Variants in ACOT7 observed in about 807,000 individuals in gnomAD.
ACOT7 encodes cytosolic acyl coenzyme A thioester hydrolase.
Under a neutral mutation model 40.2 loss-of-function variants are expected in ACOT7, and 12 were observed. The observed-to-expected ratio is 0.30, with a 90% CI of 0.19 to 0.48. ACOT7 has a LOEUF of 0.48. ACOT7 is among the 20% of genes least tolerant of loss of function. The pLI is 0.99. For missense variants in ACOT7, 395 were observed against 530.8 expected (o/e 0.74, Z 2.51); for synonymous variants, 228 against 219.5 (o/e 1.04, Z -0.34).
intron 1 of ACOT7, among the ~76,000 whole-genome samples, chr1:6,368,811 C>G (rs1424106770): frequency 6.6e-6 from 1 of 151,500 alleles, no homozygotes; most frequent in Non-Finnish European, 1.5e-5. Context: ...CCCACTGCTG[C>G]CACTGCTGCT....
intron 7 of ACOT7, among the ~76,000 whole-genome samples, chr1:6,284,319 G>A (rs1487699467): frequency 6.6e-6 from 1 of 152,090 alleles, no homozygotes; most frequent in Non-Finnish European, 1.5e-5. Flanking sequence ...GCTCATACCT[G>A]TAATCCCAGC....
At chr1:6,336,899 G>GAGA (rs1349021517) in intron 3 of ACOT7, among the ~76,000 whole-genome samples, 2 of 152,200 alleles carry the variant, frequency 1.3e-5, no homozygotes, top group African/African-American at 4.8e-5. Flanking sequence ...GGGGAGATGA[G>GAGA]ACTCGCAGTC....
At chr1:6,300,046 G>C (rs896752347) in intron 6 of ACOT7, among the ~76,000 whole-genome samples, 3 of 152,232 alleles carry the variant, frequency 2.0e-5, no homozygotes, top group Non-Finnish European at 4.4e-5. Context: ...TGAGCCAGCA[G>C]GATTCCAGCA....
At chr1:6,388,409 A>G (rs1642475575) in intron 1 of ACOT7, among the ~76,000 whole-genome samples, 1 of 149,258 alleles carries the variant, frequency 6.7e-6, no homozygotes, top group South Asian at 2.3e-4. Flanking sequence ...GCGCCTGGCC[A>G]GGTTCTTTCT....
Position 6,282,326 on chromosome 1 carries a change from G to A in ACOT7, c.830-1040C>T, listed in dbSNP as rs114177023. Among the ~76,000 whole-genome samples the A allele has an allele frequency of 9.2e-3, 1,395 of 152,274 alleles. 18 individuals carry two copies. Among genetic ancestry groups the A allele is most frequent in the African/African-American group, 0.031 (1,286 of 41,550 alleles). ...AAGCCAAGAGCTGACCTGGGGCCCC[G>A]GGAAGGTGTCACCATCGATGTCACT... On this transcript the variant is annotated intron_variant, in intron 7 of 8. Transcript: ENST00000361521. This position sits in a 1 kb window ranked among gnomAD's most constrained non-coding sequence, Gnocchi z 4.5.
At chr1:6,304,549 C>A (rs1438383076) in intron 6 of ACOT7, among the ~76,000 whole-genome samples, 11 of 132,968 alleles carry the variant, frequency 8.3e-5, no homozygotes, top group Non-Finnish European at 6.3e-5. Context: ...CGGCCTTCCG[C>A]AGTGTTTGTG....
intron 1 of ACOT7, among the ~76,000 whole-genome samples, chr1:6,350,946 G>A (rs1301413570): frequency 1.3e-5 from 2 of 152,188 alleles, no homozygotes; most frequent in East Asian, 1.9e-4. Context: ...ACACTGCCTC[G>A]CCTAACTGGG....
chr1:6,271,423 G>C (rs1032577810), intron 8 of ACOT7, among the ~76,000 whole-genome samples: 1 of 152,190 alleles, frequency 6.6e-6, no homozygotes, highest in African/African-American at 2.4e-5. Flanking sequence ...GAGGGGTCTT[G>C]GGATAATCAC....
At chr1:6,305,816 A>T (rs1388463799) in intron 6 of ACOT7, among the ~76,000 whole-genome samples, 11 of 152,160 alleles carry the variant, frequency 7.2e-5, no homozygotes, top group Admixed American at 2.0e-4. Flanking sequence ...CAATCTCGGC[A>T]CTTTGGGGGG....
chr1:6,386,072 TGAGTTCCACCTGGGCG>T (rs1272939879), intron 1 of ACOT7, among the ~76,000 whole-genome samples: 4 of 152,128 alleles, frequency 2.6e-5, no homozygotes, highest in Admixed American at 6.5e-5. Flanking sequence ...AGTAGAAGAA[TGAGTTCCACCTGGGCG>T]GAGTTCCACC....
intron 1 of ACOT7, among the ~76,000 whole-genome samples, chr1:6,362,612 A>C (rs1641915254): frequency 6.6e-6 from 1 of 151,970 alleles, no homozygotes; most frequent in South Asian, 2.1e-4. Context: ...TTCAAGGAGA[A>C]CTCCGCAACG....
intron 1 of ACOT7, among the ~76,000 whole-genome samples, chr1:6,389,464 G>A (rs996261257): frequency 6.6e-6 from 1 of 152,018 alleles, no homozygotes; most frequent in African/African-American, 2.4e-5. Context: ...AGACCTACTA[G>A]TAAATTGATG....
intron 1 of ACOT7, among the ~76,000 whole-genome samples, chr1:6,363,353 G>A (rs992000916): frequency 1.1e-4 from 16 of 152,120 alleles, no homozygotes; most frequent in Non-Finnish European, 2.2e-4. Flanking sequence ...GACCAGGAAA[G>A]GGAGTCTCCC....
chr1:6,333,454 G>C (rs770234003), intron 4 of ACOT7, 23 bp downstream of exon 4: 3 of 1,613,210 alleles, frequency 1.9e-6, no homozygotes, highest in Admixed American at 1.7e-5. Context: ...GCCCCCAAGA[G>C]AGAAGTAGAA....
chr1:6,355,606 C>A lies in ACOT7; in HGVS notation c.144-5740G>T, dbSNP rs184895045. 8.3e-4 allele frequency among the ~76,000 whole-genome samples: 126 copies of A among 152,324 alleles called. No homozygotes were observed. The highest frequency in any genetic ancestry group is 2.7e-3 in the African/African-American group (112 of 41,576). Reference sequence around the variant, plus strand: ...CCTCCATGGCCCCCAGAGGAAGAAACTAGCTACTGGGCAGGGACCTCGGTG... The same window carrying A: ...CCTCCATGGCCCCCAGAGGAAGAAAATAGCTACTGGGCAGGGACCTCGGTG... On this transcript the variant is annotated intron_variant, in intron 1 of 8. Transcript: ENST00000361521. The surrounding 1 kb of genome is among the most constrained non-coding windows in gnomAD (Gnocchi z 5.0).
At chr1:6,336,365 A>C (rs940130496) in intron 3 of ACOT7, among the ~76,000 whole-genome samples, 1 of 151,082 alleles carries the variant, frequency 6.6e-6, no homozygotes, top group African/African-American at 2.4e-5. Context: ...AAAATCTCTT[A>C]AAATCTTAAG....
rs1311753233 is a variant in ACOT7, at chr1:6,275,040, C to G, written c.1014+6062G>C. On this transcript the variant is annotated intron_variant, in intron 8 of 8. Coordinates refer to ENST00000361521, the MANE Select transcript of ACOT7 (RefSeq NM_007274.4). This position sits in a 1 kb window ranked among gnomAD's most constrained non-coding sequence, Gnocchi z 5.6. ...GCGACCCCTGGCGAGTGACTCCCTGCCTGGTGCCCGCCTCCTGTCTGGGGA... is the reference window on the plus strand; with the variant it reads ...GCGACCCCTGGCGAGTGACTCCCTGGCTGGTGCCCGCCTCCTGTCTGGGGA... Among the ~76,000 whole-genome samples the G allele has an allele frequency of 2.0e-5, 3 of 152,202 alleles. No individual in the cohort carries two copies. In the East Asian group the frequency reaches 5.8e-4, roughly 29 times the overall value.
intron 4 of ACOT7, among the ~76,000 whole-genome samples, chr1:6,329,851 T>C (rs1490349365): frequency 6.6e-6 from 1 of 152,158 alleles, no homozygotes; most frequent in Non-Finnish European, 1.5e-5. Context: ...CCACTCAGCC[T>C]GTCCAGGGCT....
At position 6,304,209 on chromosome 1, in the gene ACOT7, G is replaced by A. The variant is rs1174222470; in HGVS notation, c.713-9229C>T. 4.0e-5 allele frequency among the ~76,000 whole-genome samples: 6 copies of A among 151,698 alleles called. No homozygotes were observed. In the East Asian group the frequency reaches 1.2e-3, roughly 29 times the overall value. ...GTCCAGGGGACGCTCCTTTTGAAGG[G>A]TTTGTGTTCATCACTTGGAACAGGG... On this transcript the variant is annotated intron_variant, in intron 6 of 8. Transcript: ENST00000361521.
Sources: allele counts gnomAD v4.1 joint callset (sites outside exome capture counted in the v4.1 genomes callset), GRCh38; gene constraint gnomAD v4.1.1; non-coding constraint Gnocchi (gnomAD v3.1); transcripts MANE v1.5; gene names NCBI Gene and HGNC (gene_info 2026-07-23, HGNC 2026-07-21).